The following ARL3 variants were observed in gnomAD, a reference collection of about 807,000 sequenced individuals.
ARL3 encodes the protein ADP-ribosylation factor-like protein 3.
In ARL3, 9 loss-of-function variants were observed where a neutral mutation model predicts 26.0. The observed-to-expected ratio is 0.35, with a 90% CI of 0.21 to 0.60. The LOEUF is 0.60. Ranked by LOEUF, ARL3 falls within the 20% of genes least tolerant of loss-of-function variation. The probability of loss-of-function intolerance (pLI) is 0.78; values close to 1 mark genes in which losing one functional copy is unlikely to be tolerated. For synonymous variants in ARL3, 71 were observed against 78.4 expected (o/e 0.91, Z 0.50); for missense variants, 158 against 215.7 (o/e 0.73, Z 1.67).
intron 3 of ARL3, among the ~76,000 whole-genome samples, chr10:102,697,443 C>T (rs2064254398): frequency 6.6e-6 from 1 of 152,178 alleles, no homozygotes; most frequent in South Asian, 2.1e-4. Context: ...TCCCAAAGTG[C>T]TGGGATTACA....
intron 2 of ARL3, among the ~76,000 whole-genome samples, chr10:102,704,873 A>AAC (rs2064300489): frequency 6.6e-6 from 1 of 151,546 alleles, no homozygotes; most frequent in Non-Finnish European, 1.5e-5. Context: ...GTGGAGGCTG[A>AAC]AGCCCAGTGG....
intron 5 of ARL3, among the ~76,000 whole-genome samples, chr10:102,677,999 G>C (rs947777625): frequency 2.6e-5 from 4 of 152,044 alleles, no homozygotes; most frequent in Non-Finnish European, 4.4e-5. Flanking sequence ...TGGCCATTCG[G>C]AACATTAATC....
intron 1 of ARL3, among the ~76,000 whole-genome samples, chr10:102,710,126 T>C (rs1379082859): frequency 2.0e-5 from 3 of 152,222 alleles, no homozygotes; most frequent in African/African-American, 7.2e-5. Flanking sequence ...TTTTCCTTAT[T>C]AGGAAATAAT....
At position 102,676,786 on chromosome 10, in the gene ARL3, C is replaced by T. The variant is rs2064132850; in HGVS notation, c.*108G>A. The T allele has an allele frequency of 8.5e-7, 1 of 1,175,232 alleles. No homozygotes were observed. The highest frequency in any genetic ancestry group is 1.2e-6 in the Non-Finnish European group (1 of 801,750). 72.8% of individuals were successfully genotyped at this position (1,175,232 alleles called of 1,614,324 possible). ...CGTGTTGTTCCCTCTCTTCAAACAG[C>T]TGGAGCTGTACACAGATGGAAAAAC... On this transcript the variant is annotated 3_prime_UTR_variant, in exon 6 of 6. Coordinates refer to ENST00000260746, the MANE Select transcript of ARL3 (RefSeq NM_004311.4).
chr10:102,709,111 G>T (rs2064325170), intron 1 of ARL3, among the ~76,000 whole-genome samples: 1 of 150,984 alleles, frequency 6.6e-6, no homozygotes, highest in Non-Finnish European at 1.5e-5. Flanking sequence ...TCACTATGTT[G>T]CCCAAGCTAG....
At chr10:102,708,908 A>ATATATATATATATTTTTTTTTTT in intron 1 of ARL3, among the ~76,000 whole-genome samples, 4 of 95,316 alleles carry the variant, frequency 4.2e-5, no homozygotes, top group African/African-American at 1.7e-4. Context: ...ATATATATAT[A>ATATATATATATATTTTTTTTTTT]TTTTTTTTTT....
intron 2 of ARL3, among the ~76,000 whole-genome samples, chr10:102,704,566 G>A (rs1183390490): frequency 1.3e-5 from 2 of 152,154 alleles, no homozygotes; most frequent in African/African-American, 4.8e-5. Flanking sequence ...CTTGAACCTG[G>A]GAGGCGGAGG....
At chr10:102,688,660 C>T (rs1384949716) in intron 4 of ARL3, among the ~76,000 whole-genome samples, 1 of 152,038 alleles carries the variant, frequency 6.6e-6, no homozygotes. Context: ...TGCCACCACA[C>T]CTGGCTAATT....
chr10:102,711,378 A>G (rs12775826), intron 1 of ARL3, among the ~76,000 whole-genome samples: 1 of 151,096 alleles, frequency 6.6e-6, no homozygotes, highest in Non-Finnish European at 1.5e-5. Flanking sequence ...CTGTATATAT[A>G]TATGTATATA....
chr10:102,709,374 T>A (rs1157257167), intron 1 of ARL3, among the ~76,000 whole-genome samples: 1 of 151,268 alleles, frequency 6.6e-6, no homozygotes, highest in Non-Finnish European at 1.5e-5. Context: ...GCACAGTGGT[T>A]CACACCTGTA....
At chr10:102,697,584 T>A (rs2064255835) in intron 3 of ARL3, among the ~76,000 whole-genome samples, 1 of 152,188 alleles carries the variant, frequency 6.6e-6, no homozygotes, top group Non-Finnish European at 1.5e-5. Context: ...CAGGGGAGAA[T>A]TCCAGGCTAG....
chr10:102,684,790 C>A (rs1018345076), intron 5 of ARL3, among the ~76,000 whole-genome samples: 1 of 152,012 alleles, frequency 6.6e-6, no homozygotes, highest in South Asian at 2.1e-4. Context: ...AGGTGTGCAC[C>A]ACCATGTCCG....
chr10:102,695,444 G>A (rs955634436), intron 3 of ARL3, among the ~76,000 whole-genome samples: 19 of 152,272 alleles, frequency 1.2e-4, no homozygotes, highest in African/African-American at 4.6e-4. Context: ...GAAAGCAACC[G>A]ACTTGTACAT....
intron 3 of ARL3, among the ~76,000 whole-genome samples, chr10:102,694,720 GTCT>G (rs1327539360): frequency 6.6e-6 from 1 of 151,900 alleles, no homozygotes; most frequent in Non-Finnish European, 1.5e-5. Flanking sequence ...AATGTATGCT[GTCT>G]TCTTTTTTTT....
At chr10:102,702,284 A>G (rs1220671607) in intron 2 of ARL3, among the ~76,000 whole-genome samples, 1 of 152,084 alleles carries the variant, frequency 6.6e-6, no homozygotes, top group Non-Finnish European at 1.5e-5. Flanking sequence ...CCCATCATAT[A>G]TATGCATAGA....
At chr10:102,704,426 G>A (rs999049242) in intron 2 of ARL3, among the ~76,000 whole-genome samples, 1 of 151,986 alleles carries the variant, frequency 6.6e-6, no homozygotes, top group Admixed American at 6.6e-5. Context: ...GATCATTGAG[G>A]TCTGGAGTTT....
At chr10:102,685,700 T>G in intron 5 of ARL3, 116 bp downstream of exon 5, 1 of 1,149,138 alleles carries the variant, frequency 8.7e-7, no homozygotes, top group Non-Finnish European at 1.2e-6. Flanking sequence ...AATTCCTCCA[T>G]GCCCTTCATA....
Position 102,708,908 on chromosome 10 carries a change from A to ATATATATATATATT in ARL3, c.4-3420_4-3419insAATATATATATATA. 3.7e-3 allele frequency among the ~76,000 whole-genome samples: 350 copies of ATATATATATATATT among 95,216 alleles called. 1 individual carries two copies. The highest frequency in any genetic ancestry group is 5.5e-3 in the South Asian group (15 of 2,704). The allele number at this position is 95,216 out of a possible 152,430, so 62.5% of individuals were successfully genotyped here. A position where few individuals can be genotyped will look rare whatever the true frequency, so the allele number is the denominator to read the frequency against. On this transcript the variant is annotated intron_variant, in intron 1 of 5. Transcript: ENST00000260746. ...ATATTATATATATATATATATATAT[A>ATATATATATATATT]TTTTTTTTTTTTTTGAGACAAGGTC...
intron 1 of ARL3, among the ~76,000 whole-genome samples, chr10:102,705,844 G>GT (rs1293074468): frequency 1.3e-5 from 2 of 152,056 alleles, no homozygotes; most frequent in Non-Finnish European, 2.9e-5. Flanking sequence ...GGTAACTGAT[G>GT]TTTGTATTTT....
Sources: allele counts gnomAD v4.1 joint callset (sites outside exome capture counted in the v4.1 genomes callset), GRCh38; gene constraint gnomAD v4.1.1; transcripts MANE v1.5; gene names NCBI Gene and HGNC (gene_info 2026-07-23, HGNC 2026-07-21).